The following FAF1 variants were observed in gnomAD, a reference collection of about 807,000 sequenced individuals.
The protein encoded by FAF1 is Fas associated factor 1, also known as FAS-associated factor 1.
A neutral mutation model predicts 92.5 loss-of-function variants in FAF1; 25 were observed. The ratio of observed to expected loss-of-function variants is 0.27; its 90% confidence interval spans 0.20 to 0.38. The LOEUF (loss-of-function observed/expected upper bound fraction) is 0.38. Ranked by LOEUF, FAF1 falls within the 10% of genes least tolerant of loss-of-function variation. The probability of loss-of-function intolerance (pLI) is 1.00; values close to 1 mark genes in which losing one functional copy is unlikely to be tolerated. For synonymous variants in FAF1, 234 were observed against 273.2 expected (o/e 0.86, Z 1.42); for missense variants, 636 against 793.3 (o/e 0.80, Z 2.38).
intron 5 of FAF1, among the ~76,000 whole-genome samples, chr1:50,739,352 G>GTGTACATGTGTACACATACATACA (rs1164746762): frequency 1.3e-5 from 2 of 151,332 alleles, no homozygotes; most frequent in African/African-American, 4.8e-5. Flanking sequence ...GCATATACAT[G>GTGTACATGTGTACACATACATACA]TGTACATGTG....
At chr1:50,855,710 G>GT (rs1644385865) in intron 2 of FAF1, among the ~76,000 whole-genome samples, 1 of 151,850 alleles carries the variant, frequency 6.6e-6, no homozygotes, top group South Asian at 2.1e-4. Context: ...ATGATAAAAT[G>GT]TAAACAGCAA....
chr1:50,554,394 G>T (rs865838045), intron 13 of FAF1, among the ~76,000 whole-genome samples: 249 of 132,112 alleles, frequency 1.9e-3, no homozygotes, highest in Middle Eastern at 4.0e-3. Context: ...TATATATAGA[G>T]AGAGAGAGAG....
chr1:50,818,380 T>C (rs1643998398), intron 2 of FAF1, among the ~76,000 whole-genome samples: 1 of 152,196 alleles, frequency 6.6e-6, no homozygotes, highest in South Asian at 2.1e-4. Context: ...TTAAGCTGTA[T>C]TCCCACAATT....
intron 17 of FAF1, among the ~76,000 whole-genome samples, chr1:50,478,322 C>A (rs1046883040): frequency 6.6e-6 from 1 of 152,054 alleles, no homozygotes; most frequent in Admixed American, 6.5e-5. Flanking sequence ...TGCCAGCACA[C>A]CTGGCTAATT....
At chr1:50,554,274 A>T (rs1156883080) in intron 13 of FAF1, among the ~76,000 whole-genome samples, 2 of 151,242 alleles carry the variant, frequency 1.3e-5, no homozygotes, top group African/African-American at 2.4e-5. Context: ...GACCTCACAG[A>T]ACCTCTCTGA....
chr1:50,618,790 C>T (rs1468278689), intron 8 of FAF1, among the ~76,000 whole-genome samples: 3 of 151,392 alleles, frequency 2.0e-5, no homozygotes, highest in South Asian at 2.1e-4. Flanking sequence ...ACTCTGTCGC[C>T]CAGGCTGGAG....
intron 8 of FAF1, among the ~76,000 whole-genome samples, chr1:50,615,655 A>G (rs948541100): frequency 3.9e-5 from 6 of 152,138 alleles, no homozygotes; most frequent in African/African-American, 1.4e-4. Context: ...AGCTGCTTAT[A>G]TGTCTTCTTT....
intron 18 of FAF1, among the ~76,000 whole-genome samples, chr1:50,475,052 T>G (rs1282061180): frequency 6.6e-6 from 1 of 152,260 alleles, no homozygotes; most frequent in Non-Finnish European, 1.5e-5. Context: ...AAACACTGTT[T>G]GTTTTGCATG....
intron 8 of FAF1, among the ~76,000 whole-genome samples, chr1:50,599,433 T>C (rs1557428170): frequency 6.6e-6 from 1 of 152,026 alleles, no homozygotes. Flanking sequence ...ATACTGATGT[T>C]AAAAAAAGCA....
chr1:50,529,410 A>T (rs1648016767), intron 15 of FAF1, among the ~76,000 whole-genome samples: 1 of 152,226 alleles, frequency 6.6e-6, no homozygotes, highest in Admixed American at 6.6e-5. Flanking sequence ...TTATCTATTA[A>T]CAGTCTAATA....
At chr1:50,818,815 C>T (rs1373412694) in intron 2 of FAF1, among the ~76,000 whole-genome samples, 2 of 150,796 alleles carry the variant, frequency 1.3e-5, no homozygotes, top group South Asian at 2.1e-4. Flanking sequence ...CCAGCCTGGG[C>T]GACAGAGCGA....
At chr1:50,579,648 A>T (rs1650902026) in intron 12 of FAF1, among the ~76,000 whole-genome samples, 1 of 152,144 alleles carries the variant, frequency 6.6e-6, no homozygotes, top group Non-Finnish European at 1.5e-5. Flanking sequence ...CCTAATATCC[A>T]TTTTTCAGGA....
At chr1:50,606,489 CTTTTTTTTTTTTTTTTT>C (rs34498946) in intron 8 of FAF1, among the ~76,000 whole-genome samples, 1 of 58,538 alleles carries the variant, frequency 1.7e-5, no homozygotes. Context: ...GTGAGAGTTG[CTTTTTTTTTTTTTTTTT>C]TTTTTTTTTT....
At chr1:50,471,185 G>A (rs1646567645) in intron 18 of FAF1, 1 of 152,198 alleles carries the variant, frequency 6.6e-6, no homozygotes, top group Non-Finnish European at 1.5e-5. Flanking sequence ...TAGTATCCAT[G>A]TGTTATCGAT....
intron 1 of FAF1, among the ~76,000 whole-genome samples, chr1:50,945,786 C>T (rs931289165): frequency 6.6e-5 from 10 of 152,212 alleles, no homozygotes; most frequent in African/African-American, 2.4e-4. Context: ...AGGCAAAGGT[C>T]CGTAGAAATA....
chr1:50,747,829 A>C (rs1659689173), intron 4 of FAF1, among the ~76,000 whole-genome samples: 1 of 152,108 alleles, frequency 6.6e-6, no homozygotes, highest in African/African-American at 2.4e-5. Context: ...CTTGTGATAC[A>C]GTTCTCGTGA....
intron 9 of FAF1, among the ~76,000 whole-genome samples, chr1:50,592,610 A>G (rs1651573993): frequency 6.6e-6 from 1 of 152,220 alleles, no homozygotes; most frequent in Non-Finnish European, 1.5e-5. Context: ...GCTGGTCTCA[A>G]ATATTTCCTT....
intron 8 of FAF1, among the ~76,000 whole-genome samples, chr1:50,603,763 C>T (rs1226057534): frequency 6.6e-6 from 1 of 152,058 alleles, no homozygotes; most frequent in Non-Finnish European, 1.5e-5. Context: ...AGCCCACTGC[C>T]ACATTCTTGT....
chr1:50,871,569 C>T lies in FAF1; in HGVS notation c.46-13572G>A, dbSNP rs1021177636. Among the ~76,000 whole-genome samples, 4 of 152,308 alleles carry T rather than the reference C, an allele frequency of 2.6e-5. No homozygotes were observed. In the South Asian group the frequency reaches 8.3e-4, roughly 32 times the overall value. On this transcript the variant is annotated intron_variant, in intron 1 of 18. Coordinates refer to ENST00000396153, the MANE Select transcript of FAF1 (RefSeq NM_007051.3). Reference sequence around the variant, plus strand: ...TTCTGCCTGTGCTCTCTAAATGGAACAACAAAGCCTGAATGACAGCACATC... The same window carrying T: ...TTCTGCCTGTGCTCTCTAAATGGAATAACAAAGCCTGAATGACAGCACATC...
Sources: gnomAD v4.1 joint callset for allele counts (sites outside exome capture counted in the v4.1 genomes callset) on GRCh38, gnomAD v4.1.1 for gene constraint, MANE v1.5 for transcripts, NCBI Gene and HGNC (gene_info 2026-07-23, HGNC 2026-07-21) for gene names.